The following EPB41L4B variants were observed in gnomAD, a reference collection of about 807,000 sequenced individuals.
EPB41L4B encodes erythrocyte membrane protein band 4.1 like 4B.
Under a neutral mutation model 112.5 loss-of-function variants are expected in EPB41L4B, and 30 were observed. That is an observed-to-expected ratio of 0.27 (90% CI 0.20 to 0.36). EPB41L4B has a LOEUF of 0.36. Among genes scored for constraint, EPB41L4B ranks in the 10% least tolerant of loss-of-function variants. EPB41L4B has a pLI of 1.00. For synonymous variants in EPB41L4B, 408 were observed against 439.7 expected, an observed-to-expected ratio of 0.93 and a Z score of 0.90; for missense variants, 1,024 against 1,133.3, an observed-to-expected ratio of 0.90 and a Z score of 1.38.
At chr9:109,233,398 A>C (rs1357525474) in intron 15 of EPB41L4B, among the ~76,000 whole-genome samples, 4 of 152,188 alleles carry the variant, frequency 2.6e-5, no homozygotes, top group Non-Finnish European at 5.9e-5. Flanking sequence ...ATACCCTCCC[A>C]AACAGGAAAG....
chr9:109,290,347 C>T (rs1184503742), intron 1 of EPB41L4B, among the ~76,000 whole-genome samples: 1 of 152,122 alleles, frequency 6.6e-6, no homozygotes, highest in Non-Finnish European at 1.5e-5. Flanking sequence ...CCCACTTGTC[C>T]ACAGGAATAA....
intron 16 of EPB41L4B, among the ~76,000 whole-genome samples, chr9:109,214,100 T>C (rs1833279758): frequency 6.6e-6 from 1 of 152,174 alleles, no homozygotes; most frequent in African/African-American, 2.4e-5. Flanking sequence ...TAAAATTACT[T>C]ACCTTGCAGG....
chr9:109,257,397 A>C (rs1835023391), intron 7 of EPB41L4B, among the ~76,000 whole-genome samples: 2 of 152,158 alleles, frequency 1.3e-5, no homozygotes, highest in Admixed American at 6.5e-5. Context: ...GAAAAAACAA[A>C]GGGGATAAAT....
intron 4 of EPB41L4B, among the ~76,000 whole-genome samples, chr9:109,265,873 T>C (rs563967365): frequency 6.6e-6 from 1 of 152,336 alleles, no homozygotes; most frequent in South Asian, 2.1e-4. Flanking sequence ...CAGGTGTTTC[T>C]GATTCACACA....
chr9:109,255,840 A>G lies in EPB41L4B; in HGVS notation c.933T>C (p.Pro311=). 6.2e-7 allele frequency: 1 copy of G among 1,613,324 alleles called. No homozygotes were observed. The highest frequency in any genetic ancestry group is 1.7e-5 in the Admixed American group (1 of 59,816). Residue 311 remains proline, a synonymous_variant, in exon 10 of 26, where the codon CCT becomes CCC. Coordinates refer to ENST00000374566, the MANE Select transcript of EPB41L4B (RefSeq NM_019114.5). The part of the protein sequence containing the change: ...GANKIGLFFW[P]KITKMDFKKS... ...TTTTAAAATCCATTTTGGTAATTTT[A>G]GGCCTAGTCAGACAGAAAGCATTTT... is the stretch of plus-strand genomic sequence containing the variant.
At chr9:109,250,316 G>A (rs1402639490) in intron 13 of EPB41L4B, among the ~76,000 whole-genome samples, 2 of 152,106 alleles carry the variant, frequency 1.3e-5, no homozygotes, top group African/African-American at 2.4e-5. Context: ...GGCTCTCCTC[G>A]CTCACCGGGG....
intron 17 of EPB41L4B, among the ~76,000 whole-genome samples, chr9:109,208,784 C>T (rs969562704): frequency 7.2e-5 from 11 of 152,092 alleles, no homozygotes; most frequent in African/African-American, 1.2e-4. Flanking sequence ...TCCATGTGTA[C>T]AACCTGAAAT....
At chr9:109,239,804 T>C in intron 15 of EPB41L4B, 1 of 985,268 alleles carries the variant, frequency 1.0e-6, no homozygotes, top group Non-Finnish European at 1.2e-6. Flanking sequence ...GATAAGGGTT[T>C]GGATGCCTTC....
At chr9:109,272,217 G>A (rs1835650013) in intron 2 of EPB41L4B, among the ~76,000 whole-genome samples, 1 of 152,224 alleles carries the variant, frequency 6.6e-6, no homozygotes, top group South Asian at 2.1e-4. Context: ...AACAATTTGA[G>A]AGGCTGAGGC....
chr9:109,282,985 T>C (rs1439400665), intron 1 of EPB41L4B, among the ~76,000 whole-genome samples: 3 of 152,130 alleles, frequency 2.0e-5, no homozygotes, highest in African/African-American at 7.2e-5. Flanking sequence ...CCCGGCCAAA[T>C]GATTCCATTT....
chr9:109,236,749 T>C (rs1158046114), intron 15 of EPB41L4B, among the ~76,000 whole-genome samples: 1 of 152,224 alleles, frequency 6.6e-6, no homozygotes, highest in East Asian at 1.9e-4. Flanking sequence ...CTTTTTGATA[T>C]CCCCAGGGTT....
chr9:109,263,455 A>C (rs1835288761), intron 5 of EPB41L4B, among the ~76,000 whole-genome samples: 1 of 152,272 alleles, frequency 6.6e-6, no homozygotes, highest in Admixed American at 6.5e-5. Flanking sequence ...TTGATATAGT[A>C]CATGCATCTT....
At chr9:109,192,242 G>A (rs1410953103) in intron 22 of EPB41L4B, 36 bp downstream of exon 22, 1 of 1,552,578 alleles carries the variant, frequency 6.4e-7, no homozygotes, top group Admixed American at 1.8e-5. Flanking sequence ...TCTATGGTCT[G>A]TGACTTTTCT....
At chr9:109,199,421 C>A (rs1399547178) in intron 20 of EPB41L4B, among the ~76,000 whole-genome samples, 1 of 152,098 alleles carries the variant, frequency 6.6e-6, no homozygotes, top group Non-Finnish European at 1.5e-5. Context: ...GCAGTCCCAG[C>A]ACTTTGGGAG....
chr9:109,320,214 G>C lies in EPB41L4B; in HGVS notation c.233C>G (p.Ala78Gly), dbSNP rs2119310399. 1.4e-6 allele frequency: 2 copies of C among 1,427,862 alleles called. No individual in the cohort carries two copies. The highest frequency in any genetic ancestry group is 6.0e-5 in the East Asian group (2 of 33,092). The allele number at this position is 1,427,862 out of a possible 1,614,324, so 88.4% of individuals were successfully genotyped here. A position where few individuals can be genotyped will look rare whatever the true frequency, so the allele number is the denominator to read the frequency against. ...TGGAAVHISA[A>G]GAAKATLYCR... ...GTAGAGGGTGGCCTTGGCGGCGCCG[G>C]CGGCGGAGATGTGCACGGCCGCGCC... Residue 78 changes from alanine (A) to glycine (G), a missense_variant, in exon 1 of 26, where the codon GCC (alanine) becomes GGC (glycine). Physicochemically the swap from Ala to Gly is moderately conservative, Grantham distance 60. Coordinates refer to ENST00000374566, the MANE Select transcript of EPB41L4B (RefSeq NM_019114.5).
intron 15 of EPB41L4B, chr9:109,240,090 C>G (rs1429089588): frequency 1.0e-6 from 1 of 985,200 alleles, no homozygotes; most frequent in East Asian, 1.1e-4. Context: ...TTACCAAGGT[C>G]ATTCACAAAT....
At chr9:109,273,216 A>C (rs780662354) in intron 2 of EPB41L4B, among the ~76,000 whole-genome samples, 9 of 151,600 alleles carry the variant, frequency 5.9e-5, no homozygotes, top group Non-Finnish European at 1.2e-4. Flanking sequence ...CAGCATTCAG[A>C]GACAGGATGA....
chr9:109,319,740 T>C (rs1330843419), intron 1 of EPB41L4B, among the ~76,000 whole-genome samples: 1 of 152,058 alleles, frequency 6.6e-6, no homozygotes, highest in Non-Finnish European at 1.5e-5. Flanking sequence ...GATTTGAGAT[T>C]TTCTACCCAA....
chr9:109,187,628 A>G (rs1451356022), intron 22 of EPB41L4B, among the ~76,000 whole-genome samples: 2 of 152,122 alleles, frequency 1.3e-5, no homozygotes, highest in Non-Finnish European at 1.5e-5. Context: ...TCCATACTCC[A>G]ACCAGAAACA....
Sources: allele counts gnomAD v4.1 joint callset (sites outside exome capture counted in the v4.1 genomes callset), GRCh38; gene constraint gnomAD v4.1.1; transcripts MANE v1.5; gene names NCBI Gene and HGNC (gene_info 2026-07-23, HGNC 2026-07-21).